Variants in NID2 observed in about 807,000 individuals in gnomAD.
The protein encoded by NID2 is nidogen-2.
Under a neutral mutation model 145.4 loss-of-function variants are expected in NID2, and 83 were observed. The observed-to-expected ratio is 0.57, with a 90% CI of 0.48 to 0.69. The LOEUF (loss-of-function observed/expected upper bound fraction) is 0.69. NID2 is among the 30% of genes least tolerant of loss of function. The pLI, the probability that NID2 is intolerant of heterozygous loss-of-function variation, is 0.00. For synonymous variants in NID2, 739 were observed against 701.3 expected, an observed-to-expected ratio of 1.05 and a Z score of -0.85; for missense variants, 1,807 against 1,765.7, an observed-to-expected ratio of 1.02 and a Z score of -0.42.
At chr14:52,030,973 T>C (rs776625065) in intron 9 of NID2, among the ~76,000 whole-genome samples, 4 of 152,308 alleles carry the variant, frequency 2.6e-5, no homozygotes, top group Non-Finnish European at 1.5e-5. Context: ...GTGAGGAAAA[T>C]ACTATCTCCA....
rs1890836738 is a variant in NID2 at position 52,007,611 on chromosome 14, A to C, written c.3880+199T>G. 6.9e-6 allele frequency: 4 copies of C among 577,756 alleles called. No homozygotes were observed. In the African/African-American group the frequency reaches 7.6e-5, roughly 11 times the overall value. The allele number at this position is 577,756 out of a possible 1,614,324, so 35.8% of individuals were successfully genotyped here. On this transcript the variant is annotated intron_variant, in intron 19 of 21. Coordinates refer to ENST00000216286, the MANE Select transcript of NID2 (RefSeq NM_007361.4). ...AAGCAGTACAAACTTACTGCTTGAT[A>C]TATCCTTCCCTCCACCCAAACCCCA...
At position 52,005,309 on chromosome 14, in the gene NID2, A is replaced by T. The variant is rs1161606062; in HGVS notation, c.*177T>A. 2.2e-6 allele frequency: 1 copy of T among 459,736 alleles called. No homozygotes were observed. Among genetic ancestry groups the T allele is most frequent in the Non-Finnish European group, 3.7e-6 (1 of 268,096 alleles). The allele number at this position is 459,736 out of a possible 1,614,324, so 28.5% of individuals were successfully genotyped here. A position where few individuals can be genotyped will look rare whatever the true frequency, so the allele number is the denominator to read the frequency against. The stretch of plus-strand genomic sequence containing the variant: ...CCTTCATTTTTAAAAATACAGTAGT[A>T]AAGATTGAGGTATCAGCTTTTCACA... On this transcript the variant is annotated 3_prime_UTR_variant, in exon 22 of 22. Transcript: ENST00000216286.
At chr14:52,029,442 G>A (rs1891716680) in intron 10 of NID2, 105 bp downstream of exon 10, 2 of 1,018,776 alleles carry the variant, frequency 2.0e-6, no homozygotes, top group East Asian at 4.8e-5. Flanking sequence ...ATTGACAATG[G>A]AGGTTGTAAA....
chr14:52,014,268 C>T lies in NID2; in HGVS notation c.3420+19G>A. On this transcript the variant is annotated intron_variant, in intron 16 of 21. Coordinates refer to ENST00000216286, the MANE Select transcript of NID2 (RefSeq NM_007361.4). ...GAAAGCCACGCAGCCCTGCCCCCTA[C>T]AGGAGAAATCCACTTTACATGCAGA... The T allele has an allele frequency of 6.2e-7, 1 of 1,614,220 alleles. No homozygotes were observed. The highest frequency in any genetic ancestry group is 8.5e-7 in the Non-Finnish European group (1 of 1,180,034).
intron 5 of NID2, among the ~76,000 whole-genome samples, chr14:52,045,245 G>A (rs1291425936): frequency 1.3e-5 from 2 of 152,146 alleles, no homozygotes; most frequent in African/African-American, 4.8e-5. Context: ...TTGAAAAACA[G>A]CACAGGTAAG....
intron 9 of NID2, among the ~76,000 whole-genome samples, chr14:52,030,149 T>TG (rs1399188916): frequency 6.6e-6 from 1 of 152,206 alleles, no homozygotes; most frequent in East Asian, 1.9e-4. Flanking sequence ...TTCCTGGTTC[T>TG]AAATCTGTTG....
At chr14:52,028,633 G>A in intron 11 of NID2, 89 bp downstream of exon 11, 1 of 1,427,228 alleles carries the variant, frequency 7.0e-7, no homozygotes, top group South Asian at 1.4e-5. Context: ...CAGAGCCTCT[G>A]AATAGCAGAA....
In NID2 at chr14:52,004,999, CTTAGAACT is replaced by C. The variant is rs999801305; in HGVS notation, c.*479_*486del. The C allele has an allele frequency of 1.1e-4, 18 of 157,202 alleles. No individual in the cohort carries two copies. The highest frequency in any genetic ancestry group is 3.2e-4 in the Admixed American group (5 of 15,512). 9.7% of individuals were successfully genotyped at this position (157,202 alleles called of 1,614,324 possible). On this transcript the variant is annotated 3_prime_UTR_variant, in exon 22 of 22. Coordinates refer to ENST00000216286, the MANE Select transcript of NID2 (RefSeq NM_007361.4). Reference sequence around the variant, plus strand: ...ATGCACTGATGCAGAGGTAAAAAATCTTAGAACTTTTGTTGGGAAACTATAAATAATTG... The same window carrying C: ...ATGCACTGATGCAGAGGTAAAAAATCTTTGTTGGGAAACTATAAATAATTG...
intron 14 of NID2, among the ~76,000 whole-genome samples, chr14:52,018,503 A>G (rs549642085): frequency 3.9e-5 from 6 of 152,334 alleles, no homozygotes; most frequent in African/African-American, 1.4e-4. Flanking sequence ...CAGAAACCAG[A>G]TGTCTGTGCC....
rs71121681 is a variant in NID2 at position 52,060,364 on chromosome 14, G to GAAAAAA, written c.535-14_535-9dup. On this transcript the variant is annotated splice_polypyrimidine_tract_variant and intron_variant, in intron 2 of 21. Coordinates refer to ENST00000216286, the MANE Select transcript of NID2 (RefSeq NM_007361.4). ...TGCCTGGAAAGTGTTCAGCTGTGAGGAAAAAAAAAAAAAAAGAGAGAGAGA... is the reference window on the plus strand; with the variant it reads ...TGCCTGGAAAGTGTTCAGCTGTGAGGAAAAAAAAAAAAAAAAAAAAAGAGAGAGAGA... The GAAAAAA allele has an allele frequency of 2.7e-6, 2 of 743,496 alleles. No individual in the cohort carries two copies. The highest frequency in any genetic ancestry group is 4.8e-5 in the South Asian group (1 of 20,932). 46.1% of individuals were successfully genotyped at this position (743,496 alleles called of 1,614,324 possible). A position where few individuals can be genotyped will look rare whatever the true frequency, so the allele number is the denominator to read the frequency against.
rs749280068 is a variant in NID2, at chr14:52,060,258, G to A, written c.633C>T (p.Pro211=). The change falls in exon 3 of 22, where the codon CCC becomes CCT. Residue 211 remains proline, a synonymous_variant. Coordinates refer to ENST00000216286, the MANE Select transcript of NID2 (RefSeq NM_007361.4). The part of the protein sequence containing the change: ...ANGLQFLGTR[P]KESYNVQLQL... ...GAAGCTGGACATTGTAAGACTCTTT[G>A]GGGCGGGTTCCAAGGAACTGCAGGC... 6.2e-7 allele frequency: 1 copy of A among 1,613,874 alleles called. No individual in the cohort carries two copies. The highest frequency in any genetic ancestry group is 2.2e-5 in the East Asian group (1 of 44,874).
chr14:52,011,183 A>G (rs1466641638), intron 17 of NID2, 136 bp from the exon 18 acceptor site: 3 of 735,072 alleles, frequency 4.1e-6, no homozygotes, highest in African/African-American at 1.8e-5. Context: ...CCCAAGAACC[A>G]GGTTAATAGA....
Position 52,029,707 on chromosome 14 carries a change from G to A in NID2, c.2258-17C>T. 6.2e-7 allele frequency: 1 copy of A among 1,609,048 alleles called. No homozygotes were observed. The highest frequency in any genetic ancestry group is 1.3e-5 in the African/African-American group (1 of 74,950). ...CTGAATCCTCTGCATGAGTAGAGGG[G>A]AAATAAAAGCACAATCTGGCTATTG... On this transcript the variant is annotated splice_polypyrimidine_tract_variant and intron_variant, in intron 9 of 21. Transcript: ENST00000216286.
chr14:52,042,446 A>C (rs1595038666), intron 6 of NID2, 96 bp from the exon 7 acceptor site: 67 of 1,392,326 alleles, frequency 4.8e-5, no homozygotes, highest in Non-Finnish European at 5.9e-5. Context: ...TCCAAAACTC[A>C]CTCTTTAGCA....
At chr14:52,012,308 A>C (rs541453951) in intron 16 of NID2, among the ~76,000 whole-genome samples, 9 of 152,328 alleles carry the variant, frequency 5.9e-5, no homozygotes, top group African/African-American at 2.2e-4. Flanking sequence ...TATATCCTGT[A>C]CTAAAGAAAG....
intron 12 of NID2, among the ~76,000 whole-genome samples, chr14:52,026,089 C>G (rs1164473439): frequency 6.6e-6 from 1 of 152,196 alleles, no homozygotes; most frequent in East Asian, 1.9e-4. Context: ...AAGTGGAGGG[C>G]TGAGCTGCTG....
chr14:52,060,378 AAG>A lies in NID2; in HGVS notation c.535-24_535-23del, dbSNP rs749643395. ...TCAGCTGTGAGGAAAAAAAAAAAAA[AAG>A]AGAGAGAGAGAGAGAGAAACATCCT... On this transcript the variant is annotated intron_variant, in intron 2 of 21. Transcript: ENST00000216286. 8.4e-3 allele frequency: 6,703 copies of A among 795,116 alleles called. 46 individuals are homozygous for A. Among genetic ancestry groups the A allele is most frequent in the South Asian group, 0.022 (680 of 31,490 alleles). 49.3% of individuals were successfully genotyped at this position (795,116 alleles called of 1,614,324 possible). A position where few individuals can be genotyped will look rare whatever the true frequency, so the allele number is the denominator to read the frequency against.
intron 5 of NID2, among the ~76,000 whole-genome samples, chr14:52,053,360 A>G (rs556626272): frequency 1.1e-4 from 17 of 150,206 alleles, no homozygotes; most frequent in Non-Finnish European, 2.4e-4. Flanking sequence ...TTAAAAAAAC[A>G]TTATTAATGA....
intron 20 of NID2, 70 bp from the exon 21 acceptor site, chr14:52,005,919 A>G: frequency 8.3e-7 from 1 of 1,204,558 alleles, no homozygotes; most frequent in Non-Finnish European, 1.2e-6. Flanking sequence ...TCAGCCACAG[A>G]AAATCAGTTG....
Sources: allele counts gnomAD v4.1 joint callset (sites outside exome capture counted in the v4.1 genomes callset), GRCh38; gene constraint gnomAD v4.1.1; transcripts MANE v1.5; gene names NCBI Gene and HGNC (gene_info 2026-07-23, HGNC 2026-07-21).